Variants in STEAP1 observed in about 807,000 individuals in gnomAD.
STEAP1 encodes the protein STEAP family member 1, also known as STEAP1 protein.
A neutral mutation model predicts 34.4 loss-of-function variants in STEAP1; 30 were observed. That is an observed-to-expected ratio of 0.87 (90% CI 0.65 to 1.18). The LOEUF (loss-of-function observed/expected upper bound fraction) is 1.18. Among genes scored for constraint, STEAP1 ranks in the 50% most tolerant of loss-of-function variants. The pLI is 0.00. For synonymous variants in STEAP1, 116 were observed against 135.3 expected, an observed-to-expected ratio of 0.86 and a Z score of 0.99; for missense variants, 318 against 391.1, an observed-to-expected ratio of 0.81 and a Z score of 1.58.
At chr7:90,159,580 G>A (rs1794155942) in intron 1 of STEAP1, among the ~76,000 whole-genome samples, 178 bp from the exon 2 acceptor site, 1 of 152,130 alleles carries the variant, frequency 6.6e-6, no homozygotes, top group South Asian at 2.1e-4. Flanking sequence ...GAGGGCATTG[G>A]TTTGAAACTT....
At chr7:90,158,983 G>A (rs376787056) in intron 1 of STEAP1, among the ~76,000 whole-genome samples, 24 of 152,158 alleles carry the variant, frequency 1.6e-4, no homozygotes, top group Non-Finnish European at 3.5e-4. Flanking sequence ...TTCATAAAGT[G>A]TAAATTGAAG....
chr7:90,163,897 T>A (rs1794217129), intron 4 of STEAP1, among the ~76,000 whole-genome samples: 1 of 152,206 alleles, frequency 6.6e-6, no homozygotes, highest in Non-Finnish European at 1.5e-5. Flanking sequence ...TTTGATTTTT[T>A]AAAAACATAG....
Position 90,160,826 on chromosome 7 carries a change from A to G in STEAP1, c.106A>G (p.Ser36Gly), listed in dbSNP as rs777722158. 6.2e-7 allele frequency: 1 copy of G among 1,613,820 alleles called. No homozygotes were observed. Among genetic ancestry groups the G allele is most frequent in the African/African-American group, 1.3e-5 (1 of 74,952 alleles). Residue 36 changes from serine to glycine, a missense_variant, in exon 3 of 5, where the codon AGC (serine) becomes GGC (glycine). Transcript: ENST00000297205. ...GTAGCATAAGGACACGGGAGAGACC[A>G]GCATGCTAAAAAGACCTGTGCTTTT... ...DYLHKDTGET[S>G]MLKRPVLLHL...
chr7:90,161,050 A>G lies in STEAP1; in HGVS notation c.330A>G (p.Pro110=), dbSNP rs761034705. 3.5e-5 allele frequency: 56 copies of G among 1,614,016 alleles called. No individual in the cohort carries two copies. The East Asian group carries it at 7.1e-4, about 21-fold the overall frequency. ...ATCAACAATATTTTTATAAAATTCC[A>G]ATCCTGGTCATCAACAAAGTCTTGC... is the stretch of plus-strand genomic sequence containing the variant. ...TSHQQYFYKI[P]ILVINKVLPM... The change falls in exon 3 of 5, where the codon CCA becomes CCG. Residue 110 remains proline (P), a synonymous_variant. Transcript: ENST00000297205.
rs758270658 is a variant in STEAP1 at position 90,164,767 on chromosome 7, T to C, written c.*33T>C. 1 of 1,541,226 alleles carries C rather than the reference T, an allele frequency of 6.5e-7. No individual in the cohort carries two copies. The highest frequency in any genetic ancestry group is 1.2e-5 in the South Asian group (1 of 80,258). On this transcript the variant is annotated 3_prime_UTR_variant, in exon 5 of 5. Coordinates refer to ENST00000297205, the MANE Select transcript of STEAP1 (RefSeq NM_012449.3). ...GTTTACACACATTTTTGTTCAATAT[T>C]GATATATTTTATCACCAACATTTCA... is the stretch of plus-strand genomic sequence containing the variant.
Position 90,159,756 on chromosome 7 carries a change from A to C in STEAP1, c.-31-2A>C, listed in dbSNP as rs1373335613. On this transcript the variant is annotated splice_acceptor_variant, in intron 1 of 4. Coordinates refer to ENST00000297205, the MANE Select transcript of STEAP1 (RefSeq NM_012449.3). LOFTEE classifies it low-confidence loss of function (5UTR_SPLICE). ...TGAAAGTAATTATTTTTATTTTTAC[A>C]GGTGGCTGAAGCCATACTATTTTAT... 3.6e-6 allele frequency: 5 copies of C among 1,382,244 alleles called. No individual in the cohort carries two copies. The highest frequency in any genetic ancestry group is 1.6e-5 in the South Asian group (1 of 62,138). The allele number at this position is 1,382,244 out of a possible 1,614,324, so 85.6% of individuals were successfully genotyped here.
At chr7:90,156,552 T>A (rs1794121882) in intron 1 of STEAP1, among the ~76,000 whole-genome samples, 1 of 152,214 alleles carries the variant, frequency 6.6e-6, no homozygotes, top group Admixed American at 6.5e-5. Flanking sequence ...GAGCTCCACC[T>A]CCTGTCAGAT....
Position 90,159,808 on chromosome 7 carries a change from T to C in STEAP1, c.20T>C (p.Ile7Thr). Residue 7 changes from isoleucine (I) to threonine (T), a missense_variant, in exon 2 of 5, where the codon ATC (isoleucine) becomes ACC (threonine). Ile to Thr is a moderately conservative substitution (Grantham distance 89). Transcript: ENST00000297205. ...GAATTAATGGAAAGCAGAAAAGACA[T>C]CACAAACCAAGAAGAACTTTGGAAA... The part of the protein sequence containing the change: MESRKD[I>T]TNQEELWKMK... The C allele has an allele frequency of 6.4e-7, 1 of 1,564,014 alleles. No individual in the cohort carries two copies. Among genetic ancestry groups the C allele is most frequent in the Non-Finnish European group, 8.6e-7 (1 of 1,157,560 alleles).
chr7:90,155,007 C>A lies in STEAP1; in HGVS notation c.-32+464C>A, dbSNP rs180941442. On this transcript the variant is annotated intron_variant, in intron 1 of 4. Transcript: ENST00000297205. ...TCATTTTTAGTCCTTAGAACACTGG[C>A]CCTACTCTTTCAGGATCTGGGTGGG... Among the ~76,000 whole-genome samples, 480 of 152,242 alleles carry A rather than the reference C, an allele frequency of 3.2e-3. 3 individuals carry two copies. Among genetic ancestry groups the A allele is most frequent in the African/African-American group, 0.011 (456 of 41,528 alleles).
intron 3 of STEAP1, among the ~76,000 whole-genome samples, 161 bp downstream of exon 3, chr7:90,161,478 T>C (rs1325511681): frequency 1.3e-5 from 2 of 152,220 alleles, no homozygotes; most frequent in African/African-American, 4.8e-5. Flanking sequence ...AGGGCTTGGT[T>C]GTCAGTCGGT....
At position 90,160,913 on chromosome 7, in the gene STEAP1, C is replaced by T; in HGVS notation, c.193C>T (p.Gln65Ter). ...CTGCCCTTCAGAACTTCAGCACACACAGGAACTCTTTCCACAGTGGCACTT... is the reference window on the plus strand; with the variant it reads ...CTGCCCTTCAGAACTTCAGCACACATAGGAACTCTTTCCACAGTGGCACTT... ...FDCPSELQHT[Q>*]ELFPQWHLPI... The change falls in exon 3 of 5, where the codon CAG (glutamine) becomes TAG (stop). Residue 65 changes from glutamine to a stop codon, truncating the protein, a stop_gained. Coordinates refer to ENST00000297205, the MANE Select transcript of STEAP1 (RefSeq NM_012449.3). LOFTEE classifies it high-confidence loss of function. 5 of 1,614,042 alleles carry T rather than the reference C, an allele frequency of 3.1e-6. No individual in the cohort carries two copies. The highest frequency in any genetic ancestry group is 3.4e-6 in the Non-Finnish European group (4 of 1,179,872).
intron 1 of STEAP1, among the ~76,000 whole-genome samples, chr7:90,158,798 A>G (rs1394158641): frequency 6.6e-6 from 1 of 152,242 alleles, no homozygotes; most frequent in Admixed American, 6.5e-5. Context: ...CCACTGTTAC[A>G]TATGCAGTCA....
At position 90,164,620 on chromosome 7, in the gene STEAP1, G is replaced by T. The variant is rs182931664; in HGVS notation, c.906G>T (p.Leu302=). The change falls in exon 5 of 5, where the codon CTG becomes CTT. Residue 302 remains leucine, a synonymous_variant. Transcript: ENST00000297205. ...CTGTTTTCCTTCCAATTGTTGTCCTGATATTTAAAAGCATACTATTCCTGC... is the reference window on the plus strand; with the variant it reads ...CTGTTTTCCTTCCAATTGTTGTCCTTATATTTAAAAGCATACTATTCCTGC... ...MIAVFLPIVV[L]IFKSILFLPC... 2.9e-5 allele frequency: 47 copies of T among 1,613,738 alleles called. No homozygotes were observed. Among genetic ancestry groups the T allele is most frequent in the Non-Finnish European group, 8.5e-7 (1 of 1,179,828 alleles).
chr7:90,160,112 G>T (rs1299027364), intron 2 of STEAP1, among the ~76,000 whole-genome samples: 2 of 151,910 alleles, frequency 1.3e-5, no homozygotes, highest in African/African-American at 2.4e-5. Context: ...TGAAAATCTG[G>T]GGTCTTAGTT....
rs192792079 is a variant in STEAP1 at position 90,160,878 on chromosome 7, A to T, written c.158A>T (p.Asp53Val). The change falls in exon 3 of 5, where the codon GAT (aspartate) becomes GTT (valine). Residue 53 changes from aspartate to valine, a missense_variant. Coordinates refer to ENST00000297205, the MANE Select transcript of STEAP1 (RefSeq NM_012449.3). ...CATTTGCACCAAACAGCCCATGCTG[A>T]TGAATTTGACTGCCCTTCAGAACTT... ...LLHLHQTAHADEFDCPSELQH... is the reference protein window; with the variant it reads ...LLHLHQTAHAVEFDCPSELQH... 1.2e-4 allele frequency: 189 copies of T among 1,614,034 alleles called. 2 individuals are homozygous for T. In the East Asian group the frequency reaches 3.6e-3, roughly 30 times the overall value.
chr7:90,159,636 C>T, intron 1 of STEAP1, 122 bp from the exon 2 acceptor site: 1 of 434,562 alleles, frequency 2.3e-6, no homozygotes, highest in Non-Finnish European at 3.9e-6. Context: ...TCACTATTTC[C>T]ATTTTTATTG....
chr7:90,157,599 A>T (rs1794132843), intron 1 of STEAP1, among the ~76,000 whole-genome samples: 1 of 152,198 alleles, frequency 6.6e-6, no homozygotes, highest in Non-Finnish European at 1.5e-5. Context: ...CATTGGAGGG[A>T]GGAAGGGCAT....
At chr7:90,161,589 A>C (rs1396823225) in intron 3 of STEAP1, among the ~76,000 whole-genome samples, 1 of 152,018 alleles carries the variant, frequency 6.6e-6, no homozygotes, top group Non-Finnish European at 1.5e-5. Flanking sequence ...AACTTCTACC[A>C]CCCTCACAAG....
At chr7:90,161,854 T>A in intron 3 of STEAP1, 60 bp from the exon 4 acceptor site, 1 of 1,557,614 alleles carries the variant, frequency 6.4e-7, no homozygotes, top group Non-Finnish European at 8.7e-7. Context: ...TAGAAGGAGA[T>A]TCACATTCAG....
Sources: gnomAD v4.1 joint callset for allele counts (sites outside exome capture counted in the v4.1 genomes callset) on GRCh38, gnomAD v4.1.1 for gene constraint, MANE v1.5 for transcripts, NCBI Gene and HGNC (gene_info 2026-07-23, HGNC 2026-07-21) for gene names.